Variants in PCSK6 observed in about 807,000 individuals in gnomAD.
PCSK6 encodes proprotein convertase subtilisin/kexin type 6, also known as paired basic amino acid cleaving enzyme 4.
In PCSK6, 85 loss-of-function variants were observed where a neutral mutation model predicts 123.3. That is an observed-to-expected ratio of 0.69 (90% CI 0.58 to 0.83). The LOEUF (loss-of-function observed/expected upper bound fraction) is 0.83. PCSK6 is among the 40% of genes least tolerant of loss of function. The pLI is 0.00. For missense variants in PCSK6, 1,191 were observed against 1,282.3 expected, an observed-to-expected ratio of 0.93 and a Z score of 1.09; for synonymous variants, 508 against 516.0, an observed-to-expected ratio of 0.98 and a Z score of 0.21.
chr15:101,327,480 C>T (rs2040282921), intron 15 of PCSK6, among the ~76,000 whole-genome samples: 1 of 152,122 alleles, frequency 6.6e-6, no homozygotes, highest in Non-Finnish European at 1.5e-5. Context: ...GGGAAACGGC[C>T]CAGGGGACCC....
At chr15:101,333,522 G>T (rs573129229) in intron 13 of PCSK6, among the ~76,000 whole-genome samples, 3 of 152,286 alleles carry the variant, frequency 2.0e-5, no homozygotes, top group African/African-American at 4.8e-5. Flanking sequence ...CGGGGAGGAA[G>T]AATACTGCTC....
intron 6 of PCSK6, among the ~76,000 whole-genome samples, chr15:101,418,524 T>A (rs1165822802): frequency 5.3e-5 from 8 of 151,248 alleles, no homozygotes; most frequent in African/African-American, 1.7e-4. Context: ...TTTAGGATTT[T>A]TTTTTTTTTT....
chr15:101,366,409 G>A, intron 12 of PCSK6, 77 bp from the exon 13 acceptor site: 2 of 1,471,460 alleles, frequency 1.4e-6, no homozygotes, highest in Non-Finnish European at 1.9e-6. Context: ...CACAAGCAGG[G>A]CTCTCGGGGG....
intron 15 of PCSK6, among the ~76,000 whole-genome samples, chr15:101,328,886 A>T (rs950800492): frequency 6.6e-6 from 1 of 152,254 alleles, no homozygotes; most frequent in African/African-American, 2.4e-5. Context: ...TTCTTAAATT[A>T]AATCCACCTT....
At chr15:101,328,386 T>G (rs2040305748) in intron 15 of PCSK6, among the ~76,000 whole-genome samples, 1 of 152,202 alleles carries the variant, frequency 6.6e-6, no homozygotes, top group Non-Finnish European at 1.5e-5. Context: ...CGGGCAGGGC[T>G]TGGTTCGGTG....
At chr15:101,470,022 T>C (rs535011169) in intron 1 of PCSK6, among the ~76,000 whole-genome samples, 1 of 152,316 alleles carries the variant, frequency 6.6e-6, no homozygotes, top group Non-Finnish European at 1.5e-5. Flanking sequence ...ACTGGCATTA[T>C]TGCAAACATT....
chr15:101,443,233 C>T (rs941484310), intron 2 of PCSK6, among the ~76,000 whole-genome samples: 1 of 152,224 alleles, frequency 6.6e-6, no homozygotes, highest in Non-Finnish European at 1.5e-5. Flanking sequence ...ATGACAACCA[C>T]AAAAACATCC....
chr15:101,414,709 C>G (rs888944807), intron 6 of PCSK6, among the ~76,000 whole-genome samples: 1 of 152,044 alleles, frequency 6.6e-6, no homozygotes, highest in African/African-American at 2.4e-5. Flanking sequence ...TACATCTAAC[C>G]AGCAAAAGGC....
intron 6 of PCSK6, among the ~76,000 whole-genome samples, chr15:101,419,245 G>A (rs1470669400): frequency 1.3e-5 from 2 of 151,148 alleles, no homozygotes; most frequent in Non-Finnish European, 3.0e-5. Flanking sequence ...AGATCAATAA[G>A]GTGACCAGAA....
intron 6 of PCSK6, among the ~76,000 whole-genome samples, chr15:101,406,043 G>A (rs768624307): frequency 5.9e-5 from 9 of 152,110 alleles, no homozygotes; most frequent in East Asian, 1.9e-4. Context: ...GTACCCGGCC[G>A]CCTGCTTCTA....
rs1283480293 is a variant in PCSK6 at position 101,410,029 on chromosome 15, C to T, written c.824-11453G>A. 3.3e-5 allele frequency among the ~76,000 whole-genome samples: 5 copies of T among 152,288 alleles called. No individual in the cohort carries two copies. In the East Asian group the frequency reaches 7.7e-4, roughly 24 times the overall value. On this transcript the variant is annotated intron_variant, in intron 6 of 21. Coordinates refer to ENST00000611716, the MANE Select transcript of PCSK6 (RefSeq NM_002570.5). ...CTCACTGCAGCTTCAAACATCTAGGCTTAAGAGATCTTCCTGCCTCAGCCT... is the reference window on the plus strand; with the variant it reads ...CTCACTGCAGCTTCAAACATCTAGGTTTAAGAGATCTTCCTGCCTCAGCCT...
At position 101,382,126 on chromosome 15, in the gene PCSK6, G is replaced by A. The variant is rs1420823264; in HGVS notation, c.1498C>T (p.His500Tyr). Residue 500 changes from histidine to tyrosine, a missense_variant, in exon 11 of 22, where the codon CAC (histidine) becomes TAC (tyrosine). By Grantham distance (83) the His-to-Tyr change is moderately conservative (BLOSUM62 2). Around this residue, in one of 3 missense-constraint regions of PCSK6, gnomAD observed 630 missense variants for 631.4 expected, o/e 1.00. Coordinates refer to ENST00000611716, the MANE Select transcript of PCSK6 (RefSeq NM_002570.5). ...AKKWTAVPSQ[H>Y]MCVAASDKRP... is the part of the protein sequence containing the mutation. ...TTGTCCGAGGCGGCCACACACATGTGCTGCGATGGCACTGCTGTCCACTTC... is the reference window on the plus strand; with the variant it reads ...TTGTCCGAGGCGGCCACACACATGTACTGCGATGGCACTGCTGTCCACTTC... The A allele has an allele frequency of 6.2e-6, 10 of 1,611,726 alleles. No homozygotes were observed. In the Middle Eastern group the frequency reaches 8.3e-4, roughly 133 times the overall value.
chr15:101,379,534 C>T (rs552120865), intron 11 of PCSK6, among the ~76,000 whole-genome samples: 1 of 152,242 alleles, frequency 6.6e-6, no homozygotes, highest in African/African-American at 2.4e-5. Context: ...GGCATACACA[C>T]ACTCTGTCTT....
At chr15:101,347,458 C>G (rs1412725189) in intron 13 of PCSK6, 2 of 1,255,788 alleles carry the variant, frequency 1.6e-6, no homozygotes, top group African/African-American at 3.1e-5. Flanking sequence ...AGACTAATCT[C>G]TTCCCCTTCA....
intron 6 of PCSK6, among the ~76,000 whole-genome samples, chr15:101,422,441 G>A (rs915913137): frequency 6.6e-6 from 1 of 152,160 alleles, no homozygotes; most frequent in Non-Finnish European, 1.5e-5. Context: ...AGAGGTCTGG[G>A]TTTAAACATT....
chr15:101,459,466 C>CATCCCCCCACCCTAA (rs2057283126), intron 1 of PCSK6, among the ~76,000 whole-genome samples: 1 of 146,016 alleles, frequency 6.8e-6, no homozygotes, highest in African/African-American at 2.6e-5. Flanking sequence ...CCACCATTCC[C>CATCCCCCCACCCTAA]GTCCCCCCAC....
chr15:101,347,761 G>T (rs770937819), intron 13 of PCSK6: 3 of 1,613,828 alleles, frequency 1.9e-6, no homozygotes. Context: ...CGGAACACGT[G>T]TTTTAGTCCA....
At chr15:101,368,391 T>C (rs1016462272) in intron 12 of PCSK6, among the ~76,000 whole-genome samples, 2 of 152,190 alleles carry the variant, frequency 1.3e-5, no homozygotes, top group African/African-American at 4.8e-5. Flanking sequence ...ACATATATTA[T>C]CACACTCAAG....
chr15:101,307,435 C>T (rs902481458), intron 20 of PCSK6, 110 bp from the exon 21 acceptor site: 9 of 736,728 alleles, frequency 1.2e-5, no homozygotes, highest in African/African-American at 1.7e-5. Context: ...CCCTCAGCCT[C>T]GGTCCTCTGT....
Sources: allele counts gnomAD v4.1 joint callset (sites outside exome capture counted in the v4.1 genomes callset), GRCh38; gene constraint gnomAD v4.1.1; regional missense constraint gnomAD v4.1.1; transcripts MANE v1.5; gene names NCBI Gene and HGNC (gene_info 2026-07-23, HGNC 2026-07-21).